Variants in RUNDC3B observed in about 807,000 individuals in gnomAD.
RUNDC3B encodes RUN domain containing 3B.
Under a neutral mutation model 58.4 loss-of-function variants are expected in RUNDC3B, and 33 were observed. The ratio of observed to expected loss-of-function variants is 0.56; its 90% CI spans 0.43 to 0.75. The LOEUF (loss-of-function observed/expected upper bound fraction) is 0.75. RUNDC3B is among the 30% of genes least tolerant of loss of function. The probability of loss-of-function intolerance (pLI) is 0.00; values close to 1 mark genes in which losing one functional copy is unlikely to be tolerated. For missense variants in RUNDC3B, 501 were observed against 535.7 expected, an observed-to-expected ratio of 0.94 and a Z score of 0.64; for synonymous variants, 193 against 195.2, an observed-to-expected ratio of 0.99 and a Z score of 0.10.
chr7:87,655,345 TA>T (rs891464706), intron 2 of RUNDC3B, among the ~76,000 whole-genome samples: 8 of 151,070 alleles, frequency 5.3e-5, no homozygotes, highest in South Asian at 2.1e-4. Flanking sequence ...GATGAGTCGA[TA>T]AAAAAAAAGT....
At chr7:87,641,798 A>C (rs1166099431) in intron 1 of RUNDC3B, among the ~76,000 whole-genome samples, 1 of 152,218 alleles carries the variant, frequency 6.6e-6, no homozygotes, top group Non-Finnish European at 1.5e-5. Context: ...TGTTATCTCC[A>C]GTGATGGTGA....
intron 6 of RUNDC3B, among the ~76,000 whole-genome samples, chr7:87,766,952 C>A (rs1211697823): frequency 6.6e-6 from 1 of 151,504 alleles, no homozygotes; most frequent in African/African-American, 2.4e-5. Flanking sequence ...AATTTTTTTT[C>A]TTTTTTTCTG....
intron 2 of RUNDC3B, among the ~76,000 whole-genome samples, chr7:87,699,845 G>GGGA (rs1447903914): frequency 6.6e-6 from 1 of 152,140 alleles, no homozygotes; most frequent in East Asian, 1.9e-4. Flanking sequence ...ACAGTTAAAG[G>GGGA]GGAGCTTTAT....
chr7:87,825,557 C>G (rs916063598), intron 10 of RUNDC3B, among the ~76,000 whole-genome samples: 3 of 152,236 alleles, frequency 2.0e-5, no homozygotes, highest in Non-Finnish European at 4.4e-5. Context: ...AGAGTCCCTA[C>G]TGGGGCACCA....
At chr7:87,741,473 G>A (rs1231646248) in intron 5 of RUNDC3B, 26 bp from the exon 6 acceptor site, 1 of 1,216,120 alleles carries the variant, frequency 8.2e-7, no homozygotes. Context: ...ATATTAATAG[G>A]AAATATTTAT....
At chr7:87,711,264 T>C (rs6974534) in intron 4 of RUNDC3B, among the ~76,000 whole-genome samples, 1,927 of 152,092 alleles carry the variant, frequency 0.013, 39 homozygotes, top group African/African-American at 0.044. Flanking sequence ...AGGCAGAGGT[T>C]GTGGAGAGCC....
intron 4 of RUNDC3B, among the ~76,000 whole-genome samples, chr7:87,724,305 C>T (rs769833015): frequency 9.9e-5 from 15 of 152,034 alleles, no homozygotes; most frequent in Non-Finnish European, 2.1e-4. Context: ...GTTATAAGAC[C>T]AGGATAATGC....
intron 2 of RUNDC3B, among the ~76,000 whole-genome samples, chr7:87,663,774 G>A (rs1824949901): frequency 6.6e-6 from 1 of 152,064 alleles, no homozygotes; most frequent in African/African-American, 2.4e-5. Context: ...AGTTCTGGAG[G>A]ATGAGAAGTC....
At chr7:87,753,903 G>C (rs949135237) in intron 6 of RUNDC3B, among the ~76,000 whole-genome samples, 1 of 152,136 alleles carries the variant, frequency 6.6e-6, no homozygotes, top group East Asian at 1.9e-4. Flanking sequence ...TCTGGGGCTG[G>C]TATCATGCAG....
intron 6 of RUNDC3B, among the ~76,000 whole-genome samples, chr7:87,746,879 T>C (rs921971528): frequency 6.6e-6 from 1 of 152,180 alleles, no homozygotes; most frequent in African/African-American, 2.4e-5. Flanking sequence ...ACTTTGGTTA[T>C]TTGTTTGTTT....
chr7:87,815,519 CTAATA>C (rs1264207992), intron 9 of RUNDC3B, among the ~76,000 whole-genome samples: 1 of 151,946 alleles, frequency 6.6e-6, no homozygotes, highest in Non-Finnish European at 1.5e-5. Flanking sequence ...AATTTATCAT[CTAATA>C]TAATTAACTT....
chr7:87,819,578 A>G (rs1233077474), intron 10 of RUNDC3B, among the ~76,000 whole-genome samples: 1 of 152,158 alleles, frequency 6.6e-6, no homozygotes, highest in Non-Finnish European at 1.5e-5. Flanking sequence ...AATCAACAGA[A>G]TATACATTCT....
At chr7:87,713,021 C>G (rs1830226009) in intron 4 of RUNDC3B, 1 of 152,152 alleles carries the variant, frequency 6.6e-6, no homozygotes. Flanking sequence ...CCTATTTACA[C>G]TAATTTTTTT....
intron 6 of RUNDC3B, among the ~76,000 whole-genome samples, chr7:87,755,944 A>T (rs1342682366): frequency 6.6e-6 from 1 of 152,116 alleles, no homozygotes; most frequent in Non-Finnish European, 1.5e-5. Flanking sequence ...TTACAAGAAG[A>T]GTAAAAAATT....
At chr7:87,776,844 T>C (rs1341277346) in intron 7 of RUNDC3B, among the ~76,000 whole-genome samples, 1 of 152,026 alleles carries the variant, frequency 6.6e-6, no homozygotes, top group Admixed American at 6.6e-5. Context: ...TAGGTGAAAG[T>C]TTATTAATGA....
In RUNDC3B at chr7:87,628,916, G is replaced by A. The variant is rs746857639; in HGVS notation, c.93G>A (p.Val31=). ...GCCTGAGCGCCCGCAATGCTGCGGT[G>A]GAGAGGAGGAACCTGATCACCGTGT... The part of the protein sequence containing the change: ...KKSLSARNAA[V]ERRNLITVCR... Residue 31 remains valine, a synonymous_variant, in exon 1 of 11, where the codon GTG becomes GTA. Transcript: ENST00000394654. 2.3e-6 allele frequency: 3 copies of A among 1,309,682 alleles called. No homozygotes were observed. The highest frequency in any genetic ancestry group is 2.9e-6 in the Non-Finnish European group (3 of 1,020,786). The allele number at this position is 1,309,682 out of a possible 1,614,324, so 81.1% of individuals were successfully genotyped here. A position where few individuals can be genotyped will look rare whatever the true frequency, so the allele number is the denominator to read the frequency against.
intron 6 of RUNDC3B, among the ~76,000 whole-genome samples, chr7:87,762,495 G>T (rs1177184397): frequency 6.6e-6 from 1 of 151,022 alleles, no homozygotes; most frequent in African/African-American, 2.4e-5. Flanking sequence ...AAAATCAATG[G>T]TATATTGGTG....
intron 1 of RUNDC3B, among the ~76,000 whole-genome samples, chr7:87,648,164 G>T (rs1823213655): frequency 1.4e-5 from 2 of 141,004 alleles, no homozygotes; most frequent in South Asian, 4.4e-4. Context: ...CAGCCTGGGT[G>T]ACAGAGCGAG....
In RUNDC3B at chr7:87,721,773, T is replaced by TTCTCTC. The variant is rs374594143; in HGVS notation, c.458+11132_458+11137dup. On this transcript the variant is annotated intron_variant, in intron 4 of 10. Coordinates refer to ENST00000394654, the MANE Select transcript of RUNDC3B (RefSeq NM_001134405.2). Reference sequence around the variant, plus strand: ...TTATGCTCCTATTCTAACATTCTCTTTCTCTCTCTCTCTCTCTCTGTCTCT... The same window carrying TTCTCTC: ...TTATGCTCCTATTCTAACATTCTCTTTCTCTCTCTCTCTCTCTCTCTCTCTGTCTCT... Among the ~76,000 whole-genome samples, 3 of 148,698 alleles carry TTCTCTC rather than the reference T, an allele frequency of 2.0e-5. No individual in the cohort carries two copies. The East Asian group carries it at 5.9e-4, about 29-fold the overall frequency.
Sources: gnomAD v4.1 joint callset for allele counts (sites outside exome capture counted in the v4.1 genomes callset) on GRCh38, gnomAD v4.1.1 for gene constraint, MANE v1.5 for transcripts, NCBI Gene and HGNC (gene_info 2026-07-23, HGNC 2026-07-21) for gene names.